The following SWT1 variants were observed in gnomAD, a reference collection of about 807,000 sequenced individuals.
SWT1 encodes the protein transcriptional protein SWT1.
A neutral mutation model predicts 107.3 loss-of-function variants in SWT1; 33 were observed. The ratio of observed to expected loss-of-function variants is 0.31; its 90% CI spans 0.23 to 0.41. The LOEUF (loss-of-function observed/expected upper bound fraction) is 0.41, where lower values mean the gene tolerates loss of function less well. Ranked by LOEUF, SWT1 falls within the 10% of genes least tolerant of loss-of-function variation. SWT1 has a pLI of 1.00. For missense variants in SWT1, 898 were observed against 1,028.9 expected, an observed-to-expected ratio of 0.87 and a Z score of 1.74; for synonymous variants, 345 against 348.3, an observed-to-expected ratio of 0.99 and a Z score of 0.11.
intron 18 of SWT1, among the ~76,000 whole-genome samples, chr1:185,279,102 A>C (rs897920944): frequency 1.3e-5 from 2 of 152,202 alleles, no homozygotes; most frequent in African/African-American, 4.8e-5. Context: ...GGGGGAGAAA[A>C]TGTTTTCTTG....
chr1:185,246,680 G>T (rs575173682), intron 16 of SWT1, among the ~76,000 whole-genome samples: 1 of 138,848 alleles, frequency 7.2e-6, no homozygotes, highest in Non-Finnish European at 1.5e-5. Context: ...TCCAGGCTAC[G>T]GTGCAGTTGT....
At chr1:185,186,102 C>T (rs1200760356) in intron 9 of SWT1, among the ~76,000 whole-genome samples, 5 of 151,982 alleles carry the variant, frequency 3.3e-5, no homozygotes, top group African/African-American at 7.2e-5. Flanking sequence ...ATAAATTCCA[C>T]GTCATAAAAT....
chr1:185,269,431 A>C (rs1283669385), intron 16 of SWT1, among the ~76,000 whole-genome samples: 1 of 149,226 alleles, frequency 6.7e-6, no homozygotes, highest in Non-Finnish European at 1.5e-5. Context: ...TTTTCTATGA[A>C]ATAGTATTCT....
At chr1:185,163,849 A>T (rs550280805) in intron 2 of SWT1, among the ~76,000 whole-genome samples, 8 of 152,252 alleles carry the variant, frequency 5.3e-5, no homozygotes, top group Admixed American at 2.0e-4. Flanking sequence ...AACTCCTGTT[A>T]ATGTTGGTAT....
intron 10 of SWT1, among the ~76,000 whole-genome samples, chr1:185,201,015 C>T (rs964110667): frequency 7.2e-5 from 11 of 152,128 alleles, no homozygotes; most frequent in East Asian, 1.9e-4. Context: ...TGGGCTTTGC[C>T]GAGTCTAAAC....
At chr1:185,215,240 C>A (rs955095094) in intron 14 of SWT1, among the ~76,000 whole-genome samples, 6 of 152,028 alleles carry the variant, frequency 3.9e-5, no homozygotes, top group Non-Finnish European at 7.4e-5. Flanking sequence ...TCTGTCTGTC[C>A]ATCTATCTAC....
rs537191144 is a variant in SWT1 at position 185,268,822 on chromosome 1, A to G, written c.2442-2501A>G. 4.6e-5 allele frequency among the ~76,000 whole-genome samples: 7 copies of G among 150,614 alleles called. No individual in the cohort carries two copies. The East Asian group carries it at 7.8e-4, about 17-fold the overall frequency. The stretch of plus-strand genomic sequence containing the variant: ...AAAGAATAGGTATAAAATATTCCAC[A>G]TGGCTGATAGTTTGTTTTCTTTCTT... On this transcript the variant is annotated intron_variant, in intron 16 of 18. Coordinates refer to ENST00000367500, the MANE Select transcript of SWT1 (RefSeq NM_017673.7).
At chr1:185,216,319 A>G (rs1659212398) in intron 14 of SWT1, among the ~76,000 whole-genome samples, 1 of 152,174 alleles carries the variant, frequency 6.6e-6, no homozygotes, top group Non-Finnish European at 1.5e-5. Flanking sequence ...TTAGAGGGTT[A>G]TAGCATGAGT....
chr1:185,264,759 G>T (rs903873614), intron 16 of SWT1, among the ~76,000 whole-genome samples: 1 of 152,170 alleles, frequency 6.6e-6, no homozygotes, highest in African/African-American at 2.4e-5. Context: ...TGCTAATGAA[G>T]AAAATACAGG....
At chr1:185,175,480 A>G (rs1655465467) in intron 5 of SWT1, among the ~76,000 whole-genome samples, 1 of 152,156 alleles carries the variant, frequency 6.6e-6, no homozygotes, top group Non-Finnish European at 1.5e-5. Context: ...GCCCCTGCTC[A>G]GCCTCCCAAA....
intron 14 of SWT1, 136 bp from the exon 15 acceptor site, chr1:185,221,713 T>C: frequency 1.7e-6 from 1 of 571,820 alleles, no homozygotes; most frequent in Non-Finnish European, 3.0e-6. Flanking sequence ...CTGGGAATAT[T>C]ATGTACATAA....
At chr1:185,208,783 A>G (rs73068833) in intron 13 of SWT1, among the ~76,000 whole-genome samples, 9,485 of 149,116 alleles carry the variant, frequency 0.064, 351 homozygotes, top group Middle Eastern at 0.11. Flanking sequence ...GCATTTACTC[A>G]GGAGTAAGGA....
chr1:185,196,424 C>T (rs1348320331), intron 10 of SWT1, among the ~76,000 whole-genome samples: 1 of 152,178 alleles, frequency 6.6e-6, no homozygotes, highest in Non-Finnish European at 1.5e-5. Flanking sequence ...TAATGTGATG[C>T]CTCCAGCTTT....
At chr1:185,247,266 C>T (rs1387068370) in intron 16 of SWT1, among the ~76,000 whole-genome samples, 1 of 152,140 alleles carries the variant, frequency 6.6e-6, no homozygotes, top group Non-Finnish European at 1.5e-5. Context: ...CCCCTGGATA[C>T]TTCAACATGT....
Position 185,226,739 on chromosome 1 carries a change from T to G in SWT1, c.2309+4703T>G, listed in dbSNP as rs1345359736. On this transcript the variant is annotated intron_variant, in intron 15 of 18. Coordinates refer to ENST00000367500, the MANE Select transcript of SWT1 (RefSeq NM_017673.7). ...TCATTTAAGCTTCTGAGACTTTTTT[T>G]TTTTTTTTTGCTGTCCATAAGTTTA... 3 of 492,766 alleles carry G rather than the reference T, an allele frequency of 6.1e-6. No individual in the cohort carries two copies. The Admixed American group carries it at 1.2e-4, about 20-fold the overall frequency. The allele number at this position is 492,766 out of a possible 1,614,324, so 30.5% of individuals were successfully genotyped here.
intron 15 of SWT1, chr1:185,227,441 A>G: frequency 1.6e-6 from 1 of 628,838 alleles, no homozygotes; most frequent in Non-Finnish European, 3.0e-6. Flanking sequence ...CCTTCATACC[A>G]TTATTTTGGC....
At chr1:185,277,180 C>T (rs1055319618) in intron 18 of SWT1, among the ~76,000 whole-genome samples, 4 of 152,108 alleles carry the variant, frequency 2.6e-5, no homozygotes, top group South Asian at 2.1e-4. Context: ...TAAGCATGGC[C>T]GGATTGCGGG....
chr1:185,194,608 G>A, intron 10 of SWT1, among the ~76,000 whole-genome samples: 1 of 150,940 alleles, frequency 6.6e-6, no homozygotes, highest in East Asian at 1.9e-4. Flanking sequence ...TTTTGTTTCA[G>A]TTTGGGTACT....
chr1:185,212,266 C>T (rs141982848), intron 13 of SWT1, among the ~76,000 whole-genome samples: 142 of 152,070 alleles, frequency 9.3e-4, no homozygotes, highest in African/African-American at 2.1e-3. Context: ...TTACCTGGGT[C>T]ATAATTTAGT....
Sources: gnomAD v4.1 joint callset for allele counts (sites outside exome capture counted in the v4.1 genomes callset) on GRCh38, gnomAD v4.1.1 for gene constraint, MANE v1.5 for transcripts, NCBI Gene and HGNC (gene_info 2026-07-23, HGNC 2026-07-21) for gene names.